Variants in ITGB3BP observed in about 807,000 individuals in gnomAD.
ITGB3BP encodes the protein integrin subunit beta 3 binding protein, also known as centromere protein R.
Under a neutral mutation model 29.1 loss-of-function variants are expected in ITGB3BP, and 27 were observed. The observed-to-expected ratio is 0.93, with a 90% confidence interval of 0.68 to 1.28. The LOEUF (loss-of-function observed/expected upper bound fraction) is 1.28, where lower values mean the gene tolerates loss of function less well. Ranked by LOEUF, ITGB3BP falls within the 50% of genes most tolerant of loss-of-function variation. The pLI, the probability that ITGB3BP is intolerant of heterozygous loss-of-function variation, is 0.00. For missense variants in ITGB3BP, 192 were observed against 200.2 expected (o/e 0.96, Z 0.25); for synonymous variants, 61 against 61.4 (o/e 0.99, Z 0.03).
At chr1:63,523,254 G>C, upstream of ITGB3BP, 1 of 1,337,972 alleles carries the variant, frequency 7.5e-7, no homozygotes, top group East Asian at 2.3e-5. Flanking sequence ...GTTGCGTCAA[G>C]CCCACCGCGG....
At chr1:63,472,278 C>T (rs1645211611) in intron 4 of ITGB3BP, among the ~76,000 whole-genome samples, 2 of 151,734 alleles carry the variant, frequency 1.3e-5, no homozygotes, top group African/African-American at 4.8e-5. Context: ...ACAGTGACTC[C>T]ATCAAGGTAC....
chr1:63,509,154 T>C (rs1646144624), intron 1 of ITGB3BP, among the ~76,000 whole-genome samples: 1 of 152,212 alleles, frequency 6.6e-6, no homozygotes, highest in Non-Finnish European at 1.5e-5. Flanking sequence ...TTTCCTTCAC[T>C]AAACTGATTC....
intron 2 of ITGB3BP, among the ~76,000 whole-genome samples, chr1:63,495,986 G>A (rs1476651703): frequency 6.6e-6 from 1 of 151,994 alleles, no homozygotes; most frequent in Non-Finnish European, 1.5e-5. Context: ...AGGGAGCCGG[G>A]AACTATTCCA....
chr1:63,472,678 T>C (rs1407466964), intron 4 of ITGB3BP, among the ~76,000 whole-genome samples: 2 of 151,086 alleles, frequency 1.3e-5, no homozygotes, highest in East Asian at 3.9e-4. Flanking sequence ...GGTTTTGCTG[T>C]GTTGGCCGGG....
At chr1:63,518,532 A>G (rs917458766) in intron 1 of ITGB3BP, among the ~76,000 whole-genome samples, 2 of 149,320 alleles carry the variant, frequency 1.3e-5, no homozygotes, top group Non-Finnish European at 3.0e-5. Context: ...CTGGATATTG[A>G]TCATTTGGTT....
intron 2 of ITGB3BP, among the ~76,000 whole-genome samples, chr1:63,499,284 G>C (rs533608574): frequency 9.9e-5 from 15 of 151,612 alleles, no homozygotes; most frequent in Admixed American, 9.2e-4. Flanking sequence ...GCCTCAGCTG[G>C]GATTACAGGC....
At chr1:63,457,530 C>T (rs1644952577) in intron 4 of ITGB3BP, 1 of 152,058 alleles carries the variant, frequency 6.6e-6, no homozygotes. Flanking sequence ...TTGTTTATTC[C>T]TGAAAACCAA....
At chr1:63,482,778 C>T (rs1018092379) in intron 3 of ITGB3BP, among the ~76,000 whole-genome samples, 1 of 151,742 alleles carries the variant, frequency 6.6e-6, no homozygotes, top group Non-Finnish European at 1.5e-5. Context: ...CTCAGCCTTC[C>T]GAGTAGCTGG....
upstream of ITGB3BP, chr1:63,527,914 C>T (rs1484025510): frequency 6.6e-6 from 1 of 152,110 alleles, no homozygotes; most frequent in Non-Finnish European, 1.5e-5. Context: ...ATATAATTTT[C>T]TTTCATGTGG....
intron 2 of ITGB3BP, among the ~76,000 whole-genome samples, chr1:63,503,923 G>A (rs1384438166): frequency 6.7e-6 from 1 of 149,858 alleles, no homozygotes; most frequent in African/African-American, 2.5e-5. Flanking sequence ...TAGCCTTGTA[G>A]TATAGTTTGA....
At chr1:63,448,806 C>T (rs1299124418) in intron 7 of ITGB3BP, among the ~76,000 whole-genome samples, 1 of 152,082 alleles carries the variant, frequency 6.6e-6, no homozygotes, top group Non-Finnish European at 1.5e-5. Flanking sequence ...GACTACCATA[C>T]AAATCTCTTT....
chr1:63,473,288 C>T (rs1460705883), intron 4 of ITGB3BP, among the ~76,000 whole-genome samples: 4 of 151,510 alleles, frequency 2.6e-5, no homozygotes, highest in Non-Finnish European at 5.9e-5. Context: ...GCAGCCACCC[C>T]GTCTGGGAAG....
chr1:63,486,241 A>ATT (rs1645527339), intron 3 of ITGB3BP, among the ~76,000 whole-genome samples: 3 of 152,082 alleles, frequency 2.0e-5, no homozygotes, highest in Non-Finnish European at 4.4e-5. Flanking sequence ...TTCATTATTA[A>ATT]ATAACAAGTC....
At chr1:63,471,355 C>T (rs1401453312) in intron 4 of ITGB3BP, among the ~76,000 whole-genome samples, 1 of 150,908 alleles carries the variant, frequency 6.6e-6, no homozygotes, top group Non-Finnish European at 1.5e-5. Context: ...AAGTTCACGC[C>T]ATTCTTCTGC....
At chr1:63,452,523 C>T (rs1644874344) in intron 7 of ITGB3BP, among the ~76,000 whole-genome samples, 1 of 152,178 alleles carries the variant, frequency 6.6e-6, no homozygotes, top group South Asian at 2.1e-4. Context: ...GACAAGAGGC[C>T]AGGCGTGTTG....
intron 2 of ITGB3BP, among the ~76,000 whole-genome samples, chr1:63,498,741 A>T (rs1331485726): frequency 6.6e-6 from 1 of 151,866 alleles, no homozygotes; most frequent in African/African-American, 2.4e-5. Flanking sequence ...AAAAAACAAC[A>T]GATATTAGTG....
At position 63,478,754 on chromosome 1, in the gene ITGB3BP, A is replaced by T; in HGVS notation, c.254+10T>A. On this transcript the variant is annotated intron_variant, in intron 4 of 8. Transcript: ENST00000271002. ...ATACACATATATAATTTCAAAAATAACAAACTTACTCATCATTGTCTTTTG... is the reference window on the plus strand; with the variant it reads ...ATACACATATATAATTTCAAAAATATCAAACTTACTCATCATTGTCTTTTG... 7.5e-7 allele frequency: 1 copy of T among 1,338,198 alleles called. No individual in the cohort carries two copies. The highest frequency in any genetic ancestry group is 1.4e-5 in the South Asian group (1 of 73,086). 82.9% of individuals were successfully genotyped at this position (1,338,198 alleles called of 1,614,324 possible). A position where few individuals can be genotyped will look rare whatever the true frequency, so the allele number is the denominator to read the frequency against.
At chr1:63,516,017 G>GGT (rs35775437) in intron 1 of ITGB3BP, among the ~76,000 whole-genome samples, 32,154 of 150,964 alleles carry the variant, frequency 0.21, 3,962 homozygotes, top group African/African-American at 0.35. Flanking sequence ...AAAGAAATGT[G>GGT]GTATATATAC....
intron 2 of ITGB3BP, among the ~76,000 whole-genome samples, chr1:63,496,575 C>T (rs1485826349): frequency 1.3e-5 from 2 of 152,098 alleles, no homozygotes; most frequent in Non-Finnish European, 2.9e-5. Context: ...ACACAGGCAA[C>T]CTCAGGGATA....
Sources: gnomAD v4.1 joint callset for allele counts (sites outside exome capture counted in the v4.1 genomes callset) on GRCh38, gnomAD v4.1.1 for gene constraint, MANE v1.5 for transcripts, NCBI Gene and HGNC (gene_info 2026-07-23, HGNC 2026-07-21) for gene names.